TNRC6A: variants seen among roughly 807,000 people sequenced by gnomAD.
TNRC6A encodes trinucleotide repeat containing adaptor 6A, also known as trinucleotide repeat-containing gene 6A protein.
In TNRC6A, 44 loss-of-function variants were observed where a neutral mutation model predicts 221.2. The ratio of observed to expected loss-of-function variants is 0.20; its 90% CI spans 0.16 to 0.26. The LOEUF is 0.26. Among genes scored for constraint, TNRC6A ranks in the 10% least tolerant of loss-of-function variants. TNRC6A has a pLI of 1.00. For missense variants in TNRC6A, 2,199 were observed against 2,404.4 expected, an observed-to-expected ratio of 0.91 and a Z score of 1.79; for synonymous variants, 847 against 838.5, an observed-to-expected ratio of 1.01 and a Z score of -0.18.
intron 1 of TNRC6A, among the ~76,000 whole-genome samples, chr16:24,640,073 T>G (rs1901858384): frequency 6.6e-6 from 1 of 152,080 alleles, no homozygotes; most frequent in Non-Finnish European, 1.5e-5. Flanking sequence ...GAATGATAGT[T>G]GGGTGGGGGA....
At chr16:24,619,420 A>T (rs994994599) in intron 1 of TNRC6A, among the ~76,000 whole-genome samples, 2 of 152,218 alleles carry the variant, frequency 1.3e-5, no homozygotes, top group Admixed American at 6.5e-5. Context: ...TTGCCTGTTC[A>T]TTGAGGCATA....
chr16:24,820,295 C>T lies in TNRC6A; in HGVS notation c.5237C>T (p.Thr1746Met). 1.2e-6 allele frequency: 2 copies of T among 1,614,166 alleles called. No homozygotes were observed. The highest frequency in any genetic ancestry group is 1.7e-6 in the Non-Finnish European group (2 of 1,180,036). ...GLTGQKPPLSTWDNSPLRIGG... is the reference protein window; with the variant it reads ...GLTGQKPPLSMWDNSPLRIGG... Reference sequence around the variant, plus strand: ...ACTGGTCAGAAGCCACCCTTGTCTACGTGGGATAATTCTCCCCTTCGTATA... The same window carrying T: ...ACTGGTCAGAAGCCACCCTTGTCTATGTGGGATAATTCTCCCCTTCGTATA... The change falls in exon 22 of 25, where the codon ACG becomes ATG. Residue 1746 changes from threonine to methionine, a missense_variant. This residue lies in a region of TNRC6A where 449 missense variants were observed against 579.7 expected (regional missense o/e 0.77). Coordinates refer to ENST00000395799, the MANE Select transcript of TNRC6A (RefSeq NM_014494.4).
At chr16:24,701,968 T>C (rs1427132713) in intron 2 of TNRC6A, among the ~76,000 whole-genome samples, 2 of 151,874 alleles carry the variant, frequency 1.3e-5, no homozygotes, top group South Asian at 2.1e-4. Context: ...AAGTCTTTCC[T>C]GTACTGAAAA....
At chr16:24,799,348 A>G (rs541267527) in intron 11 of TNRC6A, among the ~76,000 whole-genome samples, 26 of 152,310 alleles carry the variant, frequency 1.7e-4, no homozygotes, top group African/African-American at 5.5e-4. Context: ...CTCACCTTCC[A>G]TATGTACTCT....
chr16:24,675,884 A>C (rs1285319843), intron 2 of TNRC6A, among the ~76,000 whole-genome samples: 2 of 151,140 alleles, frequency 1.3e-5, no homozygotes, highest in African/African-American at 4.9e-5. Context: ...GCTGGAGGTT[A>C]CACAAGTTCA....
intron 2 of TNRC6A, among the ~76,000 whole-genome samples, chr16:24,700,252 T>G (rs76402110): frequency 0.46 from 68,576 of 150,286 alleles, 16,518 homozygotes; most frequent in African/African-American, 0.64. Flanking sequence ...CTTTTTTTTT[T>G]TGAGACAGAG....
At chr16:24,673,017 A>G (rs953533456) in intron 2 of TNRC6A, among the ~76,000 whole-genome samples, 2 of 151,940 alleles carry the variant, frequency 1.3e-5, no homozygotes, top group African/African-American at 4.8e-5. Context: ...CCTGGACAAC[A>G]TAGTGAGACC....
Position 24,806,742 on chromosome 16 carries a change from A to G in TNRC6A, c.4498A>G (p.Lys1500Glu). Residue 1500 changes from lysine (K) to glutamate (E), a missense_variant, in exon 17 of 25, where the codon AAA becomes GAA. Coordinates refer to ENST00000395799, the MANE Select transcript of TNRC6A (RefSeq NM_014494.4). ...GCCCCACACTACACCTGAGCTGCAA[A>G]AAGGGCCATCACCAATAAATGCTTT... is the stretch of plus-strand genomic sequence containing the variant. ...VMPHTTPELQ[K>E]GPSPINAFSN... 1 of 1,614,214 alleles carries G rather than the reference A, an allele frequency of 6.2e-7. No homozygotes were observed. Among genetic ancestry groups the G allele is most frequent in the East Asian group, 2.2e-5 (1 of 44,876 alleles).
chr16:24,678,516 T>A (rs1357167023), intron 2 of TNRC6A, among the ~76,000 whole-genome samples: 2 of 152,098 alleles, frequency 1.3e-5, no homozygotes, highest in Non-Finnish European at 2.9e-5. Flanking sequence ...ATCAGGGAGA[T>A]CTGCTGATGA....
At chr16:24,651,719 G>T (rs908884911) in intron 2 of TNRC6A, among the ~76,000 whole-genome samples, 3 of 149,684 alleles carry the variant, frequency 2.0e-5, no homozygotes, top group Non-Finnish European at 4.4e-5. Context: ...AAAAGAAAAA[G>T]AAATTTAAAA....
At chr16:24,643,195 G>C (rs1388230881) in intron 2 of TNRC6A, among the ~76,000 whole-genome samples, 1 of 148,466 alleles carries the variant, frequency 6.7e-6, no homozygotes, top group Non-Finnish European at 1.5e-5. Context: ...GAAGTAGGAT[G>C]CTGAGACAGG....
At chr16:24,641,308 C>A (rs942411322) in intron 2 of TNRC6A, among the ~76,000 whole-genome samples, 1 of 152,146 alleles carries the variant, frequency 6.6e-6, no homozygotes, top group Non-Finnish European at 1.5e-5. Flanking sequence ...ATTCTGCGAC[C>A]CATGCTCTTT....
At chr16:24,662,530 C>G (rs1398903707) in intron 2 of TNRC6A, 1 of 151,940 alleles carries the variant, frequency 6.6e-6, no homozygotes, top group African/African-American at 2.4e-5. Context: ...ATAGAAGAGC[C>G]TAATGATTAC....
chr16:24,697,699 A>G (rs1255425724), intron 2 of TNRC6A, among the ~76,000 whole-genome samples: 1 of 151,712 alleles, frequency 6.6e-6, no homozygotes, highest in East Asian at 1.9e-4. Context: ...ACAAGTAAAA[A>G]TATGGTCCGT....
At chr16:24,786,474 C>G (rs2057971558) in intron 5 of TNRC6A, among the ~76,000 whole-genome samples, 1 of 151,910 alleles carries the variant, frequency 6.6e-6, no homozygotes, top group South Asian at 2.1e-4. Context: ...AGGCACCCAC[C>G]ACCACGCCCA....
At chr16:24,771,566 G>GTTATGTTATGTTATGTTATGTT in intron 4 of TNRC6A, among the ~76,000 whole-genome samples, 2 of 96,624 alleles carry the variant, frequency 2.1e-5, no homozygotes, top group Admixed American at 2.2e-4. Flanking sequence ...TATGTTTTAT[G>GTTATGTTATGTTATGTTATGTT]TTATGTTATG....
At chr16:24,782,985 C>G (rs373024165) in intron 5 of TNRC6A, among the ~76,000 whole-genome samples, 1 of 152,134 alleles carries the variant, frequency 6.6e-6, no homozygotes, top group Non-Finnish European at 1.5e-5. Flanking sequence ...TATTTACTTT[C>G]GAAGCTCTTC....
At chr16:24,710,939 G>A (rs1596530703) in intron 2 of TNRC6A, among the ~76,000 whole-genome samples, 1 of 151,190 alleles carries the variant, frequency 6.6e-6, no homozygotes, top group Non-Finnish European at 1.5e-5. Flanking sequence ...GCAGTGGTGC[G>A]ATCTCAGCTC....
At chr16:24,730,444 A>C in intron 2 of TNRC6A, 144 bp downstream of exon 2, 1 of 833,056 alleles carries the variant, frequency 1.2e-6, no homozygotes, top group Non-Finnish European at 1.8e-6. Context: ...GGCCTGGGGG[A>C]ATACTGGAGG....
Sources: gnomAD v4.1 joint callset for allele counts (sites outside exome capture counted in the v4.1 genomes callset) on GRCh38, gnomAD v4.1.1 for gene constraint, gnomAD v4.1.1 regional missense constraint, MANE v1.5 for transcripts, NCBI Gene and HGNC (gene_info 2026-07-23, HGNC 2026-07-21) for gene names.